Variants in DPYD observed in about 807,000 individuals in gnomAD.
DPYD encodes the protein dihydropyrimidine dehydrogenase.
Under a neutral mutation model 116.2 loss-of-function variants are expected in DPYD, and 109 were observed. The ratio of observed to expected loss-of-function variants is 0.94; its 90% CI spans 0.80 to 1.10. The LOEUF (loss-of-function observed/expected upper bound fraction) is 1.10. DPYD is among the 50% of genes least tolerant of loss of function. The pLI is 0.00. For missense variants in DPYD, 1,302 were observed against 1,254.5 expected, an observed-to-expected ratio of 1.04 and a Z score of -0.57; for synonymous variants, 440 against 432.0, an observed-to-expected ratio of 1.02 and a Z score of -0.23.
intron 8 of DPYD, among the ~76,000 whole-genome samples, chr1:97,641,012 A>T (rs1657860342): frequency 6.6e-6 from 1 of 152,216 alleles, no homozygotes; most frequent in African/African-American, 2.4e-5. Flanking sequence ...CTTCAATTTG[A>T]AAAGGGAGCC....
chr1:97,831,905 T>C (rs1370953667), intron 2 of DPYD, among the ~76,000 whole-genome samples: 1 of 151,902 alleles, frequency 6.6e-6, no homozygotes, highest in East Asian at 1.9e-4. Context: ...GTCACAAAGG[T>C]ACTAAATTTA....
chr1:97,101,458 T>C (rs913024158), intron 20 of DPYD, among the ~76,000 whole-genome samples: 2 of 130,920 alleles, frequency 1.5e-5, no homozygotes, highest in Non-Finnish European at 3.2e-5. Flanking sequence ...TACATTTGTG[T>C]TTTGATCTTG....
chr1:97,648,844 C>G (rs1453788444), intron 8 of DPYD, among the ~76,000 whole-genome samples: 1 of 151,982 alleles, frequency 6.6e-6, no homozygotes, highest in Non-Finnish European at 1.5e-5. Context: ...GAATGGAAGA[C>G]TCTTAGAAAC....
intron 16 of DPYD, among the ~76,000 whole-genome samples, chr1:97,361,162 GA>G (rs1460128130): frequency 6.6e-6 from 1 of 151,572 alleles, no homozygotes; most frequent in Non-Finnish European, 1.5e-5. Flanking sequence ...CACCATCAGA[GA>G]ATACTATAAA....
intron 2 of DPYD, among the ~76,000 whole-genome samples, chr1:97,849,722 T>C (rs1670482370): frequency 6.6e-6 from 1 of 152,194 alleles, no homozygotes; most frequent in African/African-American, 2.4e-5. Flanking sequence ...ATTTGATTAA[T>C]TTTAAGTTTG....
intron 18 of DPYD, among the ~76,000 whole-genome samples, chr1:97,246,151 A>G (rs978406590): frequency 2.0e-5 from 3 of 152,300 alleles, no homozygotes; most frequent in African/African-American, 7.2e-5. Context: ...CCTACTGTTT[A>G]GTTGCTCTAT....
At chr1:97,339,636 C>G (rs1669495001) in intron 16 of DPYD, among the ~76,000 whole-genome samples, 1 of 152,140 alleles carries the variant, frequency 6.6e-6, no homozygotes, top group African/African-American at 2.4e-5. Context: ...CAAGGAAGTA[C>G]TCCCAATCTC....
chr1:97,388,357 G>A (rs1044671843), intron 14 of DPYD, among the ~76,000 whole-genome samples: 1 of 151,984 alleles, frequency 6.6e-6, no homozygotes, highest in African/African-American at 2.4e-5. Context: ...CAAGGATAAA[G>A]GTGCAAGTTT....
intron 11 of DPYD, among the ~76,000 whole-genome samples, chr1:97,562,280 T>A (rs989715728): frequency 6.6e-6 from 1 of 152,196 alleles, no homozygotes; most frequent in African/African-American, 2.4e-5. Context: ...TGATGTAAAG[T>A]TCATTTGGCA....
At chr1:97,635,670 A>AC (rs1259723393) in intron 8 of DPYD, among the ~76,000 whole-genome samples, 1 of 152,168 alleles carries the variant, frequency 6.6e-6, no homozygotes, top group East Asian at 1.9e-4. Context: ...TATATTGTAC[A>AC]TGTAGAGTGT....
At chr1:97,096,597 A>G (rs931508906) in intron 21 of DPYD, among the ~76,000 whole-genome samples, 73 of 152,120 alleles carry the variant, frequency 4.8e-4, no homozygotes, top group African/African-American at 1.7e-3. Context: ...TGTAAAATGC[A>G]TCAATCAGTG....
intron 14 of DPYD, among the ~76,000 whole-genome samples, chr1:97,434,356 A>T (rs1174598029): frequency 6.6e-6 from 1 of 152,108 alleles, no homozygotes; most frequent in Non-Finnish European, 1.5e-5. Context: ...TTTAATGATA[A>T]GTTATTTCTT....
chr1:97,261,778 T>G (rs1663900225), intron 18 of DPYD, among the ~76,000 whole-genome samples: 1 of 152,012 alleles, frequency 6.6e-6, no homozygotes, highest in South Asian at 2.1e-4. Flanking sequence ...TTTTTGGCAT[T>G]ATCTTCAGTT....
At chr1:97,458,549 G>A (rs1023718176) in intron 13 of DPYD, among the ~76,000 whole-genome samples, 1 of 152,130 alleles carries the variant, frequency 6.6e-6, no homozygotes, top group African/African-American at 2.4e-5. Context: ...CCCATCCCTG[G>A]TGGCCTATAA....
intron 5 of DPYD, among the ~76,000 whole-genome samples, chr1:97,703,619 A>T (rs914815643): frequency 6.6e-6 from 1 of 152,002 alleles, no homozygotes. Flanking sequence ...AAAATTAAAT[A>T]AAATTAAAAA....
chr1:97,335,847 A>G lies in DPYD; in HGVS notation c.2059-29550T>C, dbSNP rs566433550. Among the ~76,000 whole-genome samples, 61 of 152,288 alleles carry G rather than the reference A, an allele frequency of 4.0e-4. No homozygotes were observed. The South Asian group carries it at 0.012, about 31-fold the overall frequency. The stretch of plus-strand genomic sequence containing the variant: ...GACAACAGAGTCAATTTACTCTTTC[A>G]TATTTTTTGTCCTTCTGTTCCTCCC... On this transcript the variant is annotated intron_variant, in intron 16 of 22. Transcript: ENST00000370192.
chr1:97,397,607 G>A (rs1469564798), intron 14 of DPYD, among the ~76,000 whole-genome samples: 3 of 151,882 alleles, frequency 2.0e-5, no homozygotes, highest in African/African-American at 2.4e-5. Flanking sequence ...TCATATAATT[G>A]GAATCACACA....
chr1:97,286,860 T>A (rs1665725064), intron 18 of DPYD, among the ~76,000 whole-genome samples: 1 of 152,196 alleles, frequency 6.6e-6, no homozygotes. Flanking sequence ...TTGCCTTTGG[T>A]TTGAATTTCC....
intron 3 of DPYD, among the ~76,000 whole-genome samples, chr1:97,805,674 G>T (rs899742820): frequency 1.3e-5 from 2 of 151,620 alleles, no homozygotes; most frequent in Non-Finnish European, 3.0e-5. Flanking sequence ...AGAGGCATAA[G>T]AGATCTGAGA....
Sources: allele counts gnomAD v4.1 joint callset (sites outside exome capture counted in the v4.1 genomes callset), GRCh38; gene constraint gnomAD v4.1.1; transcripts MANE v1.5; gene names NCBI Gene and HGNC (gene_info 2026-07-23, HGNC 2026-07-21).